Variants in RIMS2 observed in about 807,000 individuals in gnomAD.
RIMS2 encodes regulating synaptic membrane exocytosis protein 2.
In RIMS2, 59 loss-of-function variants were observed where a neutral mutation model predicts 174.4. That is an observed-to-expected ratio of 0.34 (90% confidence interval 0.27 to 0.42). RIMS2 has a LOEUF of 0.42. Among genes scored for constraint, RIMS2 ranks in the 10% least tolerant of loss-of-function variants. The pLI, the probability that RIMS2 is intolerant of heterozygous loss-of-function variation, is 1.00. For synonymous variants in RIMS2, 606 were observed against 572.5 expected, an observed-to-expected ratio of 1.06 and a Z score of -0.84; for missense variants, 1,620 against 1,666.3, an observed-to-expected ratio of 0.97 and a Z score of 0.48.
chr8:104,188,261 AGATAGATAGATG>A (rs769418466), intron 19 of RIMS2, among the ~76,000 whole-genome samples: 1,738 of 147,952 alleles, frequency 0.012, 22 homozygotes, highest in Middle Eastern at 0.028. Context: ...ATAGATAGAT[AGATAGATAGATG>A]GATGAAGTAT....
chr8:103,674,340 C>G (rs2096782067), intron 1 of RIMS2, among the ~76,000 whole-genome samples: 1 of 152,120 alleles, frequency 6.6e-6, no homozygotes, highest in Non-Finnish European at 1.5e-5. Flanking sequence ...TGCCCTACTC[C>G]TTGATACTAT....
At chr8:103,910,325 C>G in intron 5 of RIMS2, 1 of 1,580,146 alleles carries the variant, frequency 6.3e-7, no homozygotes, top group Non-Finnish European at 8.6e-7. Flanking sequence ...CTGTAGGGGA[C>G]AGTCAAAAGG....
intron 19 of RIMS2, among the ~76,000 whole-genome samples, chr8:104,232,326 C>G (rs2099234980): frequency 6.6e-6 from 1 of 152,156 alleles, no homozygotes; most frequent in Non-Finnish European, 1.5e-5. Flanking sequence ...ATTCTTTGTG[C>G]TACACATAGA....
At chr8:103,686,421 G>A (rs2096940907) in intron 1 of RIMS2, among the ~76,000 whole-genome samples, 1 of 152,066 alleles carries the variant, frequency 6.6e-6, no homozygotes, top group Non-Finnish European at 1.5e-5. Context: ...ATCTTAGGGG[G>A]AAGCATTCAG....
chr8:103,665,101 G>A (rs1285303699), intron 1 of RIMS2, among the ~76,000 whole-genome samples: 1 of 152,168 alleles, frequency 6.6e-6, no homozygotes, highest in Non-Finnish European at 1.5e-5. Context: ...ACAGGGTGGG[G>A]AACATCACAT....
At chr8:104,238,347 A>C (rs2099269663) in intron 19 of RIMS2, among the ~76,000 whole-genome samples, 1 of 151,968 alleles carries the variant, frequency 6.6e-6, no homozygotes, top group African/African-American at 2.4e-5. Flanking sequence ...TACCTAATAC[A>C]TGTGGGGCTT....
At chr8:103,977,076 A>T (rs951613316) in intron 16 of RIMS2, 5 of 152,232 alleles carry the variant, frequency 3.3e-5, no homozygotes, top group African/African-American at 1.2e-4. Context: ...TATTTTAAAT[A>T]AATGATTATT....
At chr8:103,756,428 TTTTC>T (rs150703843) in intron 2 of RIMS2, among the ~76,000 whole-genome samples, 3 of 101,828 alleles carry the variant, frequency 2.9e-5, no homozygotes, top group Non-Finnish European at 4.3e-5. Context: ...TATTATTTTC[TTTTC>T]TTTCTTTTTT....
exon 2 of RIMS2, chr8:103,697,187 G>A (rs1179815616): frequency 1.9e-6 from 3 of 1,613,674 alleles, no homozygotes; most frequent in Non-Finnish European, 2.5e-6. Flanking sequence ...CCAACCTGTG[G>A]TATCTGCCAC....
At chr8:103,633,480 A>G (rs1327515920) in intron 1 of RIMS2, among the ~76,000 whole-genome samples, 2 of 152,078 alleles carry the variant, frequency 1.3e-5, no homozygotes, top group South Asian at 2.1e-4. Context: ...TTCATCAACA[A>G]TTTTGGCCTG....
chr8:104,025,344 C>T (rs1296280018), intron 19 of RIMS2, among the ~76,000 whole-genome samples: 4 of 151,990 alleles, frequency 2.6e-5, no homozygotes. Flanking sequence ...AAAAATTACG[C>T]AGGCATAGTG....
intron 19 of RIMS2, among the ~76,000 whole-genome samples, chr8:104,177,795 A>G (rs1267788354): frequency 6.6e-6 from 1 of 152,128 alleles, no homozygotes; most frequent in Non-Finnish European, 1.5e-5. Context: ...TTATTTTTTT[A>G]CTGTAAAATG....
At chr8:104,034,036 A>G (rs546195405) in intron 19 of RIMS2, among the ~76,000 whole-genome samples, 1 of 152,290 alleles carries the variant, frequency 6.6e-6, no homozygotes, top group African/African-American at 2.4e-5. Context: ...CACTTCAATA[A>G]ATTGTCAAAG....
intron 1 of RIMS2, among the ~76,000 whole-genome samples, chr8:103,679,255 A>T (rs1230369653): frequency 6.6e-6 from 1 of 151,996 alleles, no homozygotes; most frequent in East Asian, 1.9e-4. Flanking sequence ...ATCTTATCTT[A>T]TGAGGAGCTC....
intron 1 of RIMS2, among the ~76,000 whole-genome samples, chr8:103,570,918 C>T (rs1020470630): frequency 6.6e-6 from 1 of 152,106 alleles, no homozygotes; most frequent in African/African-American, 2.4e-5. Flanking sequence ...TATTTATTGA[C>T]AAAAGCTATT....
intron 3 of RIMS2, among the ~76,000 whole-genome samples, chr8:103,885,072 A>G (rs56232122): frequency 0.15 from 23,246 of 151,876 alleles, 1,945 homozygotes; most frequent in Middle Eastern, 0.26. Flanking sequence ...AAGCATAAGC[A>G]TATTCCAGAT....
intron 19 of RIMS2, among the ~76,000 whole-genome samples, chr8:104,204,922 A>C (rs1331717358): frequency 6.6e-6 from 1 of 152,184 alleles, no homozygotes; most frequent in Admixed American, 6.5e-5. Context: ...AGACTCCACC[A>C]GTTTGTTTTA....
At chr8:103,623,379 T>C (rs956273065) in intron 1 of RIMS2, among the ~76,000 whole-genome samples, 1 of 151,914 alleles carries the variant, frequency 6.6e-6, no homozygotes, top group African/African-American at 2.4e-5. Flanking sequence ...TATTTTCTAA[T>C]GATAAAAATA....
chr8:104,059,690 G>A (rs1242042238), intron 19 of RIMS2, among the ~76,000 whole-genome samples: 1 of 149,874 alleles, frequency 6.7e-6, no homozygotes, highest in African/African-American at 2.5e-5. Flanking sequence ...CATTCAGTAT[G>A]ATATTGGCTG....
Sources: gnomAD v4.1 joint callset for allele counts (sites outside exome capture counted in the v4.1 genomes callset) on GRCh38, gnomAD v4.1.1 for gene constraint, MANE v1.5 for transcripts, NCBI Gene and HGNC (gene_info 2026-07-23, HGNC 2026-07-21) for gene names.